BOLL: variants seen among roughly 807,000 people sequenced by gnomAD.
The protein encoded by BOLL is boule RNA binding protein.
In BOLL, 23 loss-of-function variants were observed where a neutral mutation model predicts 44.4. The observed-to-expected ratio is 0.52, with a 90% CI of 0.37 to 0.73. The LOEUF is 0.73. BOLL is among the 30% of genes least tolerant of loss of function. BOLL has a pLI of 0.00. For synonymous variants in BOLL, 97 were observed against 110.8 expected (o/e 0.88, Z 0.78); for missense variants, 287 against 338.3 (o/e 0.85, Z 1.19).
intron 9 of BOLL, among the ~76,000 whole-genome samples, chr2:197,748,153 A>G (rs111340803): frequency 0.2 from 30,139 of 151,780 alleles, 3,037 homozygotes; most frequent in East Asian, 0.27. Flanking sequence ...GGGTCAGGGA[A>G]CTCCCTTCCC....
At chr2:197,772,941 G>A (rs1325765994) in intron 5 of BOLL, among the ~76,000 whole-genome samples, 2 of 151,750 alleles carry the variant, frequency 1.3e-5, no homozygotes, top group African/African-American at 4.8e-5. Flanking sequence ...TCTGGGACAG[G>A]GCCTAAGAAT....
intron 9 of BOLL, among the ~76,000 whole-genome samples, chr2:197,749,840 A>G (rs1358962141): frequency 6.6e-6 from 1 of 152,140 alleles, no homozygotes; most frequent in Admixed American, 6.5e-5. Flanking sequence ...GAACTTCCTC[A>G]ACCTAGCAAG....
intron 10 of BOLL, among the ~76,000 whole-genome samples, chr2:197,735,563 T>A (rs2106316580): frequency 6.6e-6 from 1 of 152,296 alleles, no homozygotes; most frequent in East Asian, 1.9e-4. Context: ...GTGTATAGTT[T>A]AGACGACTGT....
At chr2:197,757,308 A>G (rs1386960170) in intron 8 of BOLL, 45 bp downstream of exon 8, 1 of 1,523,954 alleles carries the variant, frequency 6.6e-7, no homozygotes, top group East Asian at 2.3e-5. Flanking sequence ...ACAAGAATAT[A>G]ATGAAAGAAG....
At chr2:197,783,959 C>A (rs1574875297) in intron 1 of BOLL, among the ~76,000 whole-genome samples, 1 of 152,062 alleles carries the variant, frequency 6.6e-6, no homozygotes, top group African/African-American at 2.4e-5. Flanking sequence ...AAAAGACAAA[C>A]CCCATTATAT....
At chr2:197,729,738 C>T (rs1053900830) in intron 10 of BOLL, among the ~76,000 whole-genome samples, 1 of 152,114 alleles carries the variant, frequency 6.6e-6, no homozygotes, top group African/African-American at 2.4e-5. Context: ...TCCAACAGAC[C>T]TGCAGCTGAG....
Position 197,743,159 on chromosome 2 carries a change from G to A in BOLL, c.730C>T (p.Pro244Ser). 6.4e-7 allele frequency: 1 copy of A among 1,570,902 alleles called. No homozygotes were observed. Among genetic ancestry groups the A allele is most frequent in the Non-Finnish European group, 8.6e-7 (1 of 1,160,654 alleles). ...LSLMETSVPEPYSDHGVQATY... is the reference protein window; with the variant it reads ...LSLMETSVPESYSDHGVQATY... Reference sequence around the variant, plus strand: ...GCTTGAACTCCATGATCAGAATAAGGCTATTACAAAAAAAGAGAGAAAAAA... The same window carrying A: ...GCTTGAACTCCATGATCAGAATAAGACTATTACAAAAAAAGAGAGAAAAAA... Residue 244 changes from proline to serine, a missense_variant and splice_region_variant, in exon 10 of 11, where the codon CCT (proline) becomes TCT (serine). By Grantham distance (74) the Pro-to-Ser change is moderately conservative. Coordinates refer to ENST00000392296, the MANE Select transcript of BOLL (RefSeq NM_033030.6).
rs181552933 is a variant in BOLL, at chr2:197,736,007, C to T, written c.828+7054G>A. Among the ~76,000 whole-genome samples the T allele has an allele frequency of 8.5e-3, 1,292 of 152,170 alleles. 10 individuals are homozygous for T. Among genetic ancestry groups the T allele is most frequent in the Middle Eastern group, 0.02 (6 of 294 alleles). ...TCACTTCAAGGATTTAAGAGACCAT[C>T]GAACTTTTTCTCTGTGGTAGAAAGC... is the stretch of plus-strand genomic sequence containing the variant. On this transcript the variant is annotated intron_variant, in intron 10 of 10. Coordinates refer to ENST00000392296, the MANE Select transcript of BOLL (RefSeq NM_033030.6).
intron 9 of BOLL, among the ~76,000 whole-genome samples, chr2:197,756,210 G>A (rs115066094): frequency 2.0e-5 from 3 of 152,282 alleles, no homozygotes; most frequent in Non-Finnish European, 2.9e-5. Flanking sequence ...GCTTAGTGGA[G>A]TGAATGGTTG....
At chr2:197,767,060 G>C (rs1460494706) in intron 6 of BOLL, among the ~76,000 whole-genome samples, 1 of 151,730 alleles carries the variant, frequency 6.6e-6, no homozygotes, top group Non-Finnish European at 1.5e-5. Context: ...CTATTCCTTT[G>C]TTATACCTAT....
intron 7 of BOLL, among the ~76,000 whole-genome samples, chr2:197,760,077 C>A (rs914538865): frequency 6.6e-6 from 1 of 152,182 alleles, no homozygotes; most frequent in Non-Finnish European, 1.5e-5. Flanking sequence ...TGTCCCAGGC[C>A]TGAAAAGCAG....
intron 9 of BOLL, among the ~76,000 whole-genome samples, chr2:197,747,696 A>G (rs1688051624): frequency 6.6e-6 from 1 of 152,098 alleles, no homozygotes; most frequent in Admixed American, 6.6e-5. Context: ...TTGTTTCAGA[A>G]CAAAATTATA....
In BOLL at chr2:197,785,297, C is replaced by G. The variant is rs530377653; in HGVS notation, c.-257G>C. 2.6e-5 allele frequency: 26 copies of G among 985,704 alleles called. No homozygotes were observed. The South Asian group carries it at 8.5e-4, about 32-fold the overall frequency. 61.1% of individuals were successfully genotyped at this position (985,704 alleles called of 1,614,324 possible). On this transcript the variant is annotated 5_prime_UTR_variant, in exon 1 of 11. Coordinates refer to ENST00000392296, the MANE Select transcript of BOLL (RefSeq NM_033030.6). This position sits in a 1 kb window ranked among gnomAD's most constrained non-coding sequence, Gnocchi z 6.7. The stretch of plus-strand genomic sequence containing the variant: ...CGGGAAGCCTCAACGGCAGCGACCC[C>G]GCCGCTGGCCTCGTGCGCAGCTGGT...
intron 9 of BOLL, among the ~76,000 whole-genome samples, chr2:197,753,369 A>G (rs1184964128): frequency 6.6e-6 from 1 of 152,244 alleles, no homozygotes; most frequent in African/African-American, 2.4e-5. Context: ...AGAATGGGAG[A>G]AAATTTTTGC....
At chr2:197,772,339 T>A (rs1466999900) in intron 5 of BOLL, among the ~76,000 whole-genome samples, 1 of 152,056 alleles carries the variant, frequency 6.6e-6, no homozygotes, top group Non-Finnish European at 1.5e-5. Context: ...AAATTATGTA[T>A]AATTTAAAGT....
rs199838771 is a variant in BOLL, at chr2:197,757,385, A to G, written c.568T>C (p.Leu190=). Residue 190 remains leucine, a synonymous_variant, in exon 8 of 11, where the codon TTA becomes CTA. Coordinates refer to ENST00000392296, the MANE Select transcript of BOLL (RefSeq NM_033030.6). ...AYHYQATTQY[L]PGQWQWSVPQ... Reference sequence around the variant, plus strand: ...ACACTCCACTGCCACTGTCCTGGTAAATACTGTGTGGTGGCCTAAAATTAA... The same window carrying G: ...ACACTCCACTGCCACTGTCCTGGTAGATACTGTGTGGTGGCCTAAAATTAA... 6.2e-7 allele frequency: 1 copy of G among 1,610,530 alleles called. No homozygotes were observed. Among genetic ancestry groups the G allele is most frequent in the Admixed American group, 1.7e-5 (1 of 59,692 alleles).
intron 9 of BOLL, among the ~76,000 whole-genome samples, chr2:197,750,034 A>G (rs1466592504): frequency 2.0e-5 from 3 of 152,224 alleles, no homozygotes; most frequent in African/African-American, 7.2e-5. Flanking sequence ...AGAATTTCAT[A>G]TCCAGCCAAA....
chr2:197,739,209 T>C (rs553348277), intron 10 of BOLL, among the ~76,000 whole-genome samples: 169 of 152,290 alleles, frequency 1.1e-3, no homozygotes, highest in Middle Eastern at 6.8e-3. Flanking sequence ...GTTTTGACTT[T>C]GGAAGTCTAT....
In BOLL at chr2:197,728,511, T is replaced by C. The variant is rs773666146; in HGVS notation, c.*44A>G. 17 of 1,614,162 alleles carry C rather than the reference T, an allele frequency of 1.1e-5. No homozygotes were observed. The Admixed American group carries it at 2.0e-4, about 19-fold the overall frequency. ...TGGATCTCGGCCACGCAAGGATCAT[T>C]GGACAAGAAATCAGTTGAGCTGGAA... On this transcript the variant is annotated 3_prime_UTR_variant, in exon 11 of 11. Transcript: ENST00000392296.
Sources: allele counts gnomAD v4.1 joint callset (sites outside exome capture counted in the v4.1 genomes callset), GRCh38; gene constraint gnomAD v4.1.1; non-coding constraint Gnocchi (gnomAD v3.1); transcripts MANE v1.5; gene names NCBI Gene and HGNC (gene_info 2026-07-23, HGNC 2026-07-21).